Variants in PTPRD observed in about 807,000 individuals in gnomAD.
The protein encoded by PTPRD is protein tyrosine phosphatase receptor type D.
In PTPRD, 34 loss-of-function variants were observed where a neutral mutation model predicts 214.5. That is an observed-to-expected ratio of 0.16 (90% CI 0.12 to 0.21). PTPRD has a LOEUF of 0.21. Ranked by LOEUF, PTPRD falls within the 10% of genes least tolerant of loss-of-function variation. The pLI is 1.00. For missense variants in PTPRD, 2,545 were observed against 2,398.7 expected, an observed-to-expected ratio of 1.06 and a Z score of -1.27; for synonymous variants, 1,128 against 845.7, an observed-to-expected ratio of 1.33 and a Z score of -5.79.
intron 7 of PTPRD, among the ~76,000 whole-genome samples, chr9:9,712,443 A>G (rs1432115350): frequency 6.6e-6 from 1 of 152,186 alleles, no homozygotes; most frequent in Non-Finnish European, 1.5e-5. Context: ...AATATTTTTA[A>G]TTCATGCACT....
At chr9:10,270,224 A>G (rs543252397) in intron 3 of PTPRD, among the ~76,000 whole-genome samples, 68 of 147,422 alleles carry the variant, frequency 4.6e-4, no homozygotes, top group African/African-American at 1.6e-3. Context: ...ATTATTAAAA[A>G]AGATTATTAT....
chr9:10,059,464 G>T (rs1252728542), intron 3 of PTPRD, among the ~76,000 whole-genome samples: 1 of 152,044 alleles, frequency 6.6e-6, no homozygotes, highest in Non-Finnish European at 1.5e-5. Context: ...AATATGCAAA[G>T]GGGTAAATCA....
chr9:8,339,530 G>A (rs1393541706), intron 42 of PTPRD, among the ~76,000 whole-genome samples: 1 of 152,030 alleles, frequency 6.6e-6, no homozygotes, highest in African/African-American at 2.4e-5. Flanking sequence ...GGAAACGAGG[G>A]GCCCAGTCCA....
intron 11 of PTPRD, among the ~76,000 whole-genome samples, chr9:8,931,843 C>CTT (rs1310335731): frequency 4.6e-5 from 7 of 151,984 alleles, no homozygotes; most frequent in Non-Finnish European, 1.0e-4. Context: ...AATTTCAGAA[C>CTT]TTGTTATTGG....
At chr9:9,217,464 T>C (rs911892233) in intron 9 of PTPRD, among the ~76,000 whole-genome samples, 2 of 152,122 alleles carry the variant, frequency 1.3e-5, no homozygotes, top group Non-Finnish European at 2.9e-5. Flanking sequence ...AACACTCAAA[T>C]TCATTATGTC....
At chr9:8,851,793 C>T (rs1204978101) in intron 11 of PTPRD, among the ~76,000 whole-genome samples, 1 of 152,038 alleles carries the variant, frequency 6.6e-6, no homozygotes, top group African/African-American at 2.4e-5. Context: ...AATGTTTTAT[C>T]ATTTCCTCCG....
At chr9:9,467,610 A>AAAAAAAAAAAT (rs71319223) in intron 8 of PTPRD, among the ~76,000 whole-genome samples, 1 of 145,372 alleles carries the variant, frequency 6.9e-6, no homozygotes, top group African/African-American at 2.5e-5. Context: ...AAAAAAAAAA[A>AAAAAAAAAAAT]GTTGAGCAGA....
At chr9:9,430,490 T>G (rs546072170) in intron 8 of PTPRD, among the ~76,000 whole-genome samples, 1 of 152,138 alleles carries the variant, frequency 6.6e-6, no homozygotes, top group East Asian at 1.9e-4. Context: ...AAGTAATTTA[T>G]AGATTCAATG....
At chr9:10,046,206 C>T (rs1037497419) in intron 3 of PTPRD, among the ~76,000 whole-genome samples, 1 of 151,744 alleles carries the variant, frequency 6.6e-6, no homozygotes, top group Non-Finnish European at 1.5e-5. Flanking sequence ...CACAAAAGTA[C>T]AAAGCATTAG....
At chr9:10,038,239 T>A (rs1231732607) in intron 3 of PTPRD, among the ~76,000 whole-genome samples, 4 of 152,142 alleles carry the variant, frequency 2.6e-5, no homozygotes, top group Non-Finnish European at 5.9e-5. Flanking sequence ...CAGGACTTCA[T>A]CTTTAACATT....
At chr9:9,075,561 A>T (rs879791211) in intron 10 of PTPRD, among the ~76,000 whole-genome samples, 1 of 151,632 alleles carries the variant, frequency 6.6e-6, no homozygotes, top group African/African-American at 2.4e-5. Context: ...TCCCTCCCCC[A>T]TCCCCCACCC....
intron 11 of PTPRD, among the ~76,000 whole-genome samples, chr9:8,865,911 C>A (rs1315723964): frequency 6.6e-6 from 1 of 152,146 alleles, no homozygotes; most frequent in East Asian, 1.9e-4. Context: ...TTCCACGGAA[C>A]TTTTGATGAG....
intron 4 of PTPRD, among the ~76,000 whole-genome samples, chr9:9,976,732 A>G (rs956152366): frequency 3.5e-5 from 5 of 143,832 alleles, no homozygotes; most frequent in Non-Finnish European, 7.6e-5. Flanking sequence ...TTTATGTCTA[A>G]ATAGTTAGTC....
At chr9:9,090,836 A>AT in intron 10 of PTPRD, 1 of 763,796 alleles carries the variant, frequency 1.3e-6, no homozygotes, top group South Asian at 1.4e-5. Flanking sequence ...ATCTTATTCC[A>AT]TTGACAATGA....
intron 9 of PTPRD, among the ~76,000 whole-genome samples, chr9:9,348,594 A>T (rs1213201881): frequency 6.6e-6 from 1 of 152,122 alleles, no homozygotes; most frequent in East Asian, 1.9e-4. Context: ...TTCCCTTCAG[A>T]CACACTGTGT....
At chr9:9,829,385 G>C (rs561394076) in intron 5 of PTPRD, among the ~76,000 whole-genome samples, 1 of 151,914 alleles carries the variant, frequency 6.6e-6, no homozygotes, top group East Asian at 1.9e-4. Flanking sequence ...AGCTTTTATA[G>C]TGAAATCTGT....
chr9:9,787,000 G>C (rs2098929384), intron 5 of PTPRD, among the ~76,000 whole-genome samples: 2 of 151,972 alleles, frequency 1.3e-5, no homozygotes, highest in South Asian at 4.1e-4. Flanking sequence ...TAGCTTGTGT[G>C]GTGGTGTGCG....
chr9:9,491,644 A>T (rs1314449891), intron 8 of PTPRD, among the ~76,000 whole-genome samples: 1 of 152,078 alleles, frequency 6.6e-6, no homozygotes, highest in Non-Finnish European at 1.5e-5. Context: ...GTAAAACTGG[A>T]AAAGCCACTT....
intron 7 of PTPRD, among the ~76,000 whole-genome samples, chr9:9,702,391 T>A (rs1312847142): frequency 6.6e-6 from 1 of 152,166 alleles, no homozygotes; most frequent in African/African-American, 2.4e-5. Context: ...CAAAGAAGCA[T>A]AGTTTCACAG....
Sources: allele counts gnomAD v4.1 joint callset (sites outside exome capture counted in the v4.1 genomes callset), GRCh38; gene constraint gnomAD v4.1.1; transcripts MANE v1.5; gene names NCBI Gene and HGNC (gene_info 2026-07-23, HGNC 2026-07-21).